The following SLC25A12 variants were observed in gnomAD, a reference collection of about 807,000 sequenced individuals.
SLC25A12 encodes electrogenic aspartate/glutamate antiporter SLC25A12, mitochondrial.
In SLC25A12, 32 loss-of-function variants were observed where a neutral mutation model predicts 83.3. The observed-to-expected ratio is 0.38, with a 90% CI of 0.29 to 0.52. The LOEUF (loss-of-function observed/expected upper bound fraction) is 0.52. Ranked by LOEUF, SLC25A12 falls within the 20% of genes least tolerant of loss-of-function variation. SLC25A12 has a pLI of 0.84. For missense variants in SLC25A12, 611 were observed against 835.6 expected (o/e 0.73, Z 3.31); for synonymous variants, 267 against 291.1 (o/e 0.92, Z 0.84).
intron 4 of SLC25A12, among the ~76,000 whole-genome samples, chr2:171,851,551 T>C (rs924091092): frequency 6.6e-6 from 1 of 151,728 alleles, no homozygotes; most frequent in East Asian, 1.9e-4. Flanking sequence ...TTTTTTCATT[T>C]GAGACAGGGT....
At position 171,837,249 on chromosome 2, in the gene SLC25A12, C is replaced by T; in HGVS notation, c.484G>A (p.Ala162Thr). 1 of 1,614,088 alleles carries T rather than the reference C, an allele frequency of 6.2e-7. No homozygotes were observed. Among genetic ancestry groups the T allele is most frequent in the Non-Finnish European group, 8.5e-7 (1 of 1,179,980 alleles). The change falls in exon 6 of 18, where the codon GCA becomes ACA. Residue 162 changes from alanine (A) to threonine (T), a missense_variant. Physicochemically the swap from Ala to Thr is moderately conservative, Grantham distance 58 (BLOSUM62 0). This residue lies in a region of SLC25A12 where 540 missense variants were observed against 777.5 expected (regional missense o/e 0.69). Transcript: ENST00000422440. The stretch of plus-strand genomic sequence containing the variant: ...TCTTTGAGTGCAAAGGCTTGTCTTG[C>T]ATGTTCCAATTGCAGCTCCTGTGAG... The part of the protein sequence containing the change: ...QFLQELQLEH[A>T]RQAFALKDKS...
chr2:171,803,548 G>C (rs1683757651), intron 13 of SLC25A12, among the ~76,000 whole-genome samples: 1 of 152,172 alleles, frequency 6.6e-6, no homozygotes, highest in African/African-American at 2.4e-5. Flanking sequence ...AACATTGTCA[G>C]TCATTAGGCC....
intron 5 of SLC25A12, among the ~76,000 whole-genome samples, chr2:171,839,538 T>C (rs1031464032): frequency 6.6e-6 from 1 of 152,174 alleles, no homozygotes; most frequent in African/African-American, 2.4e-5. Context: ...ACAGTGTGAC[T>C]GGATGAGAGT....
intron 8 of SLC25A12, among the ~76,000 whole-genome samples, chr2:171,832,434 C>T (rs1573968369): frequency 6.6e-6 from 1 of 152,252 alleles, no homozygotes; most frequent in South Asian, 2.1e-4. Context: ...CCATAGACAA[C>T]AATTTTTGTC....
chr2:171,834,672 G>A, intron 7 of SLC25A12, 55 bp downstream of exon 7: 1 of 1,579,172 alleles, frequency 6.3e-7, no homozygotes, highest in Non-Finnish European at 8.6e-7. Flanking sequence ...TCATGCCTCA[G>A]TGAAGAAAAG....
chr2:171,796,894 T>C (rs1258794998), intron 13 of SLC25A12, among the ~76,000 whole-genome samples: 2 of 152,192 alleles, frequency 1.3e-5, no homozygotes, highest in Non-Finnish European at 2.9e-5. Context: ...CTCTCTATCC[T>C]ACATATTAAA....
chr2:171,824,426 G>C (rs1684257020), intron 9 of SLC25A12, among the ~76,000 whole-genome samples: 1 of 152,154 alleles, frequency 6.6e-6, no homozygotes, highest in Non-Finnish European at 1.5e-5. Context: ...AAAAACTGAG[G>C]AGGAGAAATG....
chr2:171,885,106 G>A (rs1350549342), intron 2 of SLC25A12, among the ~76,000 whole-genome samples: 13 of 149,980 alleles, frequency 8.7e-5, no homozygotes, highest in African/African-American at 2.9e-4. Context: ...CCAGCTACTC[G>A]GGAGGCTGAG....
chr2:171,812,893 G>A (rs1319552829), intron 11 of SLC25A12, among the ~76,000 whole-genome samples: 1 of 150,450 alleles, frequency 6.6e-6, no homozygotes, highest in Non-Finnish European at 1.5e-5. Flanking sequence ...ATTTATTTCA[G>A]TTGAAATAAA....
chr2:171,832,809 T>C (rs567749618), intron 8 of SLC25A12, among the ~76,000 whole-genome samples: 7 of 152,188 alleles, frequency 4.6e-5, no homozygotes, highest in Non-Finnish European at 7.4e-5. Flanking sequence ...CTGTACAAAA[T>C]AGAAGGAGAC....
At chr2:171,873,411 G>C (rs1195133272) in intron 2 of SLC25A12, among the ~76,000 whole-genome samples, 4 of 151,994 alleles carry the variant, frequency 2.6e-5, no homozygotes, top group Non-Finnish European at 5.9e-5. Context: ...TAGCACCACT[G>C]CACTCCAGCC....
At chr2:171,793,886 T>G in intron 13 of SLC25A12, 119 bp from the exon 14 acceptor site, 1 of 1,151,232 alleles carries the variant, frequency 8.7e-7, no homozygotes. Context: ...GAGGTGAAAC[T>G]TCCTTCCTCA....
intron 2 of SLC25A12, among the ~76,000 whole-genome samples, chr2:171,872,804 A>C (rs978789751): frequency 1.3e-5 from 2 of 152,230 alleles, no homozygotes; most frequent in African/African-American, 4.8e-5. Context: ...AACAAAAACA[A>C]AACAAAACAA....
Position 171,785,133 on chromosome 2 carries a change from T to A in SLC25A12, c.*141A>T, listed in dbSNP as rs1690462755. 3 of 742,838 alleles carry A rather than the reference T, an allele frequency of 4.0e-6. No individual in the cohort carries two copies. The highest frequency in any genetic ancestry group is 7.1e-6 in the Non-Finnish European group (3 of 424,522). The allele number at this position is 742,838 out of a possible 1,614,324, so 46.0% of individuals were successfully genotyped here. A position where few individuals can be genotyped will look rare whatever the true frequency, so the allele number is the denominator to read the frequency against. ...GGCAAATGATTATTTTATAAACAAG[T>A]ATATGTATATGTCATACAGAAAGAA... On this transcript the variant is annotated 3_prime_UTR_variant, in exon 18 of 18. Transcript: ENST00000422440.
chr2:171,793,483 G>T, intron 14 of SLC25A12, 144 bp downstream of exon 14: 1 of 820,520 alleles, frequency 1.2e-6, no homozygotes, highest in Non-Finnish European at 2.0e-6. Flanking sequence ...TCATACAAGT[G>T]TCCTGATTCT....
chr2:171,864,808 T>C (rs559740034), intron 3 of SLC25A12, among the ~76,000 whole-genome samples: 2 of 152,330 alleles, frequency 1.3e-5, no homozygotes, highest in Admixed American at 6.5e-5. Context: ...CTCATATAGC[T>C]ATGACAGCAC....
intron 11 of SLC25A12, among the ~76,000 whole-genome samples, chr2:171,810,998 G>A (rs555988793): frequency 1.3e-5 from 2 of 152,132 alleles, no homozygotes; most frequent in Non-Finnish European, 2.9e-5. Flanking sequence ...CCCCAGGCTG[G>A]TTGTAAACTG....
rs543106206 is a variant in SLC25A12, at chr2:171,833,408, CAGA to C, written c.845+552_845+554del. On this transcript the variant is annotated intron_variant, in intron 8 of 17. Coordinates refer to ENST00000422440, the MANE Select transcript of SLC25A12 (RefSeq NM_003705.5). ...AAGAGAAAAAGACAAGCAGATGTAA[CAGA>C]GGAGAAGAAAGAAACACAGGGTCTG... Among the ~76,000 whole-genome samples the C allele has an allele frequency of 2.8e-3, 420 of 152,092 alleles. 2 individuals are homozygous for C. Among genetic ancestry groups the C allele is most frequent in the African/African-American group, 9.7e-3 (402 of 41,502 alleles).
At chr2:171,861,106 T>A (rs1685149474) in intron 3 of SLC25A12, among the ~76,000 whole-genome samples, 1 of 150,390 alleles carries the variant, frequency 6.6e-6, no homozygotes. Context: ...ATAATAATAA[T>A]AAAAATAAAA....
Sources: gnomAD v4.1 joint callset for allele counts (sites outside exome capture counted in the v4.1 genomes callset) on GRCh38, gnomAD v4.1.1 for gene constraint, gnomAD v4.1.1 regional missense constraint, MANE v1.5 for transcripts, NCBI Gene and HGNC (gene_info 2026-07-23, HGNC 2026-07-21) for gene names.